XG: variants seen among roughly 807,000 people sequenced by gnomAD.
XG encodes the protein Xg glycoprotein (Xg blood group).
In XG, 24 loss-of-function variants were observed where a neutral mutation model predicts 25.7. The observed-to-expected ratio is 0.93, with a 90% CI of 0.68 to 1.31. The LOEUF is 1.31. Among genes scored for constraint, XG ranks in the 40% most tolerant of loss-of-function variants. XG has a pLI of 0.00. For missense variants in XG, 181 were observed against 187.6 expected (o/e 0.96, Z 0.21); for synonymous variants, 77 against 69.2 (o/e 1.11, Z -0.56).
chrX:2,765,960 G>A lies in XG; in HGVS notation c.62-4590G>A, dbSNP rs2050675186. On this transcript the variant is annotated intron_variant, in intron 1 of 10. Transcript: ENST00000644266. Reference sequence around the variant, plus strand: ...ACAAATGTATTTAATGTGTATACACGGGAGCATTCAGAATGAAGACCCCAA... The same window carrying A: ...ACAAATGTATTTAATGTGTATACACAGGAGCATTCAGAATGAAGACCCCAA... Among the ~76,000 whole-genome samples, 3 of 152,180 alleles carry A rather than the reference G, an allele frequency of 2.0e-5. No individual in the cohort carries two copies. In the South Asian group the frequency reaches 6.2e-4, roughly 31 times the overall value.
At chrX:2,766,626 G>A (rs1260238223) in intron 1 of XG, among the ~76,000 whole-genome samples, 1 of 134,144 alleles carries the variant, frequency 7.5e-6, no homozygotes, top group Non-Finnish European at 1.5e-5. Flanking sequence ...GTGTACTGGT[G>A]TGAACTCGGC....
At chrX:2,802,781 G>C (rs1459630495) in intron 7 of XG, among the ~76,000 whole-genome samples, 2 of 110,921 alleles carry the variant, frequency 1.8e-5, no homozygotes, top group Non-Finnish European at 3.8e-5. Context: ...TTGGAATCTT[G>C]TGGCCTCCGG....
intron 1 of XG, among the ~76,000 whole-genome samples, chrX:2,760,463 C>T (rs1006995311): frequency 3.3e-5 from 5 of 150,680 alleles, no homozygotes; most frequent in Middle Eastern, 3.5e-3. Flanking sequence ...AGGCTGGGTG[C>T]GGTGGCTCAT....
chrX:2,774,058 T>C (rs1174392775), intron 2 of XG, among the ~76,000 whole-genome samples: 8 of 152,182 alleles, frequency 5.3e-5, no homozygotes, highest in Admixed American at 1.3e-4. Flanking sequence ...AATGCTAGGC[T>C]GTTATGTAAA....
chrX:2,799,323 C>T lies in XG; in HGVS notation c.373+1963C>T, dbSNP rs550779018. On this transcript the variant is annotated intron_variant, in intron 7 of 10. Coordinates refer to ENST00000644266, the MANE Select transcript of XG (RefSeq NM_001141919.2). ...TTGTCAATCGAGAAAAATGACGAGA[C>T]GAGCGTAAAAGATTTATTTGCCAAA... Among the ~76,000 whole-genome samples the T allele has an allele frequency of 7.8e-4, 87 of 111,205 alleles. 1 individual carries two copies. In the South Asian group the frequency reaches 0.012, roughly 15 times the overall value.
At chrX:2,784,026 C>T (rs1221072255) in intron 4 of XG, among the ~76,000 whole-genome samples, 2 of 111,328 alleles carry the variant, frequency 1.8e-5, no homozygotes, top group Non-Finnish European at 3.8e-5. Flanking sequence ...CCCAAAACAC[C>T]ACCTCACCCT....
At chrX:2,786,832 G>C (rs1284190614) in intron 4 of XG, among the ~76,000 whole-genome samples, 2 of 111,376 alleles carry the variant, frequency 1.8e-5, no homozygotes, top group African/African-American at 6.5e-5. Context: ...ATTATATGAA[G>C]ACACAGGGAG....
intron 5 of XG, among the ~76,000 whole-genome samples, chrX:2,790,425 G>T (rs1384092998): frequency 1.9e-5 from 2 of 103,673 alleles, no homozygotes; most frequent in East Asian, 6.1e-4. Context: ...GCTTGAACCC[G>T]CAAAGCGGAG....
chrX:2,755,021 C>T (rs2050405024), intron 1 of XG, among the ~76,000 whole-genome samples: 1 of 152,144 alleles, frequency 6.6e-6, no homozygotes, highest in Non-Finnish European at 1.5e-5. Flanking sequence ...CTGAGCTGTC[C>T]TGTAGCTCTG....
At chrX:2,762,435 G>A (rs374800422) in intron 1 of XG, among the ~76,000 whole-genome samples, 182 of 152,110 alleles carry the variant, frequency 1.2e-3, no homozygotes, top group African/African-American at 3.4e-3. Context: ...CATGGGTTCC[G>A]AGGAGCAGAT....
Position 2,752,110 on chromosome X carries a change from C to G in XG, c.-165C>G. The G allele has an allele frequency of 1.7e-6, 2 of 1,167,140 alleles. No homozygotes were observed. The highest frequency in any genetic ancestry group is 2.4e-6 in the Non-Finnish European group (2 of 828,542). 72.3% of individuals were successfully genotyped at this position (1,167,140 alleles called of 1,614,324 possible). A position where few individuals can be genotyped will look rare whatever the true frequency, so the allele number is the denominator to read the frequency against. On this transcript the variant is annotated 5_prime_UTR_variant, in exon 1 of 11. Coordinates refer to ENST00000644266, the MANE Select transcript of XG (RefSeq NM_001141919.2). Reference sequence around the variant, plus strand: ...GGAGTTTGGGATCTGAGCTTGGAGCCCATTTGTTTCTGGCAGTTCCGCTCA... The same window carrying G: ...GGAGTTTGGGATCTGAGCTTGGAGCGCATTTGTTTCTGGCAGTTCCGCTCA...
At chrX:2,784,484 C>T (rs763595025) in intron 4 of XG, among the ~76,000 whole-genome samples, 24 of 107,502 alleles carry the variant, frequency 2.2e-4, no homozygotes, top group Non-Finnish European at 2.9e-4. Context: ...GCATAAGAAT[C>T]GCTTGAACCT....
chrX:2,769,281 T>C (rs311145), intron 1 of XG, among the ~76,000 whole-genome samples: 91,887 of 151,960 alleles, frequency 0.6, 28,573 homozygotes, highest in South Asian at 0.79. Flanking sequence ...GGAGACCCAG[T>C]ACCTAGGGCT....
intron 7 of XG, among the ~76,000 whole-genome samples, chrX:2,806,275 C>T (rs367676660): frequency 3.6e-5 from 4 of 110,974 alleles, no homozygotes; most frequent in Admixed American, 9.7e-5. Flanking sequence ...GTGGTCTTAC[C>T]GCCTTAGCCT....
At chrX:2,776,524 C>T (rs1276812259) in intron 3 of XG, among the ~76,000 whole-genome samples, 1 of 151,884 alleles carries the variant, frequency 6.6e-6, no homozygotes, top group South Asian at 2.1e-4. Flanking sequence ...GAAGGGGCTG[C>T]CAGTGAAAGA....
intron 3 of XG, among the ~76,000 whole-genome samples, chrX:2,776,105 C>T (rs1195586591): frequency 2.0e-5 from 3 of 151,362 alleles, no homozygotes; most frequent in Non-Finnish European, 4.4e-5. Context: ...CTGGCTAACA[C>T]GGTATGTTGT....
At chrX:2,801,786 G>A (rs1202535254) in intron 7 of XG, among the ~76,000 whole-genome samples, 3 of 110,845 alleles carry the variant, frequency 2.7e-5, no homozygotes. Context: ...TCGGCTCACT[G>A]CAAGCTCCGC....
At chrX:2,793,913 C>G (rs2086859667) in intron 5 of XG, among the ~76,000 whole-genome samples, 1 of 110,758 alleles carries the variant, frequency 9.0e-6, no homozygotes, top group Non-Finnish European at 1.9e-5. Flanking sequence ...GAGGAGCCAT[C>G]TGGAGAGAAG....
At chrX:2,761,542 T>G (rs1418656437) in intron 1 of XG, among the ~76,000 whole-genome samples, 3 of 135,170 alleles carry the variant, frequency 2.2e-5, no homozygotes, top group South Asian at 2.4e-4. Context: ...AGGGAGAAGA[T>G]GGTGTCTACA....
Sources: allele counts gnomAD v4.1 joint callset (sites outside exome capture counted in the v4.1 genomes callset), GRCh38; gene constraint gnomAD v4.1.1; transcripts MANE v1.5; gene names NCBI Gene and HGNC (gene_info 2026-07-23, HGNC 2026-07-21).